The following ZNF804B variants were observed in gnomAD, a reference collection of about 807,000 sequenced individuals.
ZNF804B encodes zinc finger protein 804B, also known as zinc finger 804B.
ZNF804B carries 80 observed loss-of-function variants against 101.4 expected under a neutral mutation model. That is an observed-to-expected ratio of 0.79 (90% CI 0.66 to 0.95). The LOEUF is 0.95. Ranked by LOEUF, ZNF804B falls within the 40% of genes least tolerant of loss-of-function variation. The pLI is 0.00. For missense variants in ZNF804B, 1,673 were observed against 1,561.9 expected (o/e 1.07, Z -1.20); for synonymous variants, 622 against 558.8 (o/e 1.11, Z -1.59).
chr7:88,947,480 A>G (rs1793153361), intron 1 of ZNF804B, among the ~76,000 whole-genome samples: 1 of 151,712 alleles, frequency 6.6e-6, no homozygotes, highest in African/African-American at 2.4e-5. Context: ...ACACGTGGAC[A>G]CAGGGAGGGG....
chr7:89,006,634 A>C lies in ZNF804B; in HGVS notation c.109-211521A>C, dbSNP rs146634162. ...TGTGGTTAGATGCCATGGCCATATT[A>C]AAGTTTTTAAAGCTACTTTCAATGT... On this transcript the variant is annotated intron_variant, in intron 1 of 3. Coordinates refer to ENST00000333190, the MANE Select transcript of ZNF804B (RefSeq NM_181646.5). Among the ~76,000 whole-genome samples, 957 of 152,210 alleles carry C rather than the reference A, an allele frequency of 6.3e-3. 8 individuals are homozygous for C. Among genetic ancestry groups the C allele is most frequent in the Non-Finnish European group, 6.3e-3 (427 of 68,008 alleles).
intron 1 of ZNF804B, among the ~76,000 whole-genome samples, chr7:88,942,525 TG>T (rs1584029755): frequency 4.5e-4 from 68 of 150,342 alleles, no homozygotes; most frequent in South Asian, 6.3e-4. Flanking sequence ...TGTGTGTGTG[TG>T]TGTGTTTTGC....
chr7:89,051,739 A>G (rs1037483616), intron 1 of ZNF804B, among the ~76,000 whole-genome samples: 2 of 152,070 alleles, frequency 1.3e-5, no homozygotes, highest in African/African-American at 4.8e-5. Context: ...TGTTTATCAA[A>G]TATATTAACA....
At chr7:89,282,199 TAA>T (rs142207896) in intron 2 of ZNF804B, among the ~76,000 whole-genome samples, 9 of 108,974 alleles carry the variant, frequency 8.3e-5, no homozygotes, top group Admixed American at 1.0e-4. Flanking sequence ...AGACTCCGTC[TAA>T]AAAAAAAAAA....
At chr7:89,107,670 T>C (rs998760140) in intron 1 of ZNF804B, among the ~76,000 whole-genome samples, 1 of 152,132 alleles carries the variant, frequency 6.6e-6, no homozygotes, top group Non-Finnish European at 1.5e-5. Context: ...ATGTGCATTC[T>C]TTTCCTTTAC....
At chr7:88,780,527 C>A (rs541578252) in intron 1 of ZNF804B, among the ~76,000 whole-genome samples, 1 of 151,316 alleles carries the variant, frequency 6.6e-6, no homozygotes, top group South Asian at 2.1e-4. Context: ...GTAGCTGGGA[C>A]TACAGGTGCA....
chr7:89,156,972 T>G (rs1292184053), intron 1 of ZNF804B, among the ~76,000 whole-genome samples: 3 of 152,188 alleles, frequency 2.0e-5, no homozygotes, highest in Non-Finnish European at 4.4e-5. Flanking sequence ...GGGTCTACCC[T>G]TTTCGCTTAT....
At chr7:88,840,433 A>G (rs979754167) in intron 1 of ZNF804B, among the ~76,000 whole-genome samples, 1 of 152,144 alleles carries the variant, frequency 6.6e-6, no homozygotes, top group Non-Finnish European at 1.5e-5. Flanking sequence ...TTTATGCAAC[A>G]ATTGTCTGTA....
chr7:89,173,606 T>C (rs896389776), intron 1 of ZNF804B, among the ~76,000 whole-genome samples: 6 of 151,996 alleles, frequency 3.9e-5, no homozygotes, highest in African/African-American at 1.4e-4. Flanking sequence ...CAGAGTGAAA[T>C]GAATAAAATA....
chr7:89,151,903 G>A (rs573428600), intron 1 of ZNF804B, among the ~76,000 whole-genome samples: 7 of 152,174 alleles, frequency 4.6e-5, no homozygotes, highest in South Asian at 2.1e-4. Flanking sequence ...ACCTAAGTGG[G>A]TTTGTTTATT....
chr7:88,987,129 A>C (rs2116145232), intron 1 of ZNF804B, among the ~76,000 whole-genome samples: 1 of 152,200 alleles, frequency 6.6e-6, no homozygotes. Context: ...ATGAAATTTT[A>C]TTCCTTACTA....
At chr7:88,971,119 TAGC>T (rs1793532345) in intron 1 of ZNF804B, among the ~76,000 whole-genome samples, 1 of 151,658 alleles carries the variant, frequency 6.6e-6, no homozygotes, top group South Asian at 2.1e-4. Flanking sequence ...TTGCAACAGC[TAGC>T]AGATGGTCTT....
chr7:88,937,729 A>G (rs11970801), intron 1 of ZNF804B, among the ~76,000 whole-genome samples: 15,631 of 152,118 alleles, frequency 0.1, 882 homozygotes, highest in South Asian at 0.17. Flanking sequence ...ATGTTTTCAG[A>G]AAAGAAAAAT....
chr7:89,226,962 C>T (rs1789099117), intron 2 of ZNF804B, among the ~76,000 whole-genome samples: 1 of 152,162 alleles, frequency 6.6e-6, no homozygotes, highest in African/African-American at 2.4e-5. Flanking sequence ...TCCCTCTTCC[C>T]TTACACATAT....
At chr7:89,092,386 A>G (rs1008827841) in intron 1 of ZNF804B, among the ~76,000 whole-genome samples, 2 of 144,922 alleles carry the variant, frequency 1.4e-5, no homozygotes, top group Non-Finnish European at 3.0e-5. Flanking sequence ...TTTTACTCTA[A>G]CATTGATTTC....
At chr7:88,888,358 C>T (rs1389737878) in intron 1 of ZNF804B, among the ~76,000 whole-genome samples, 1 of 152,116 alleles carries the variant, frequency 6.6e-6, no homozygotes, top group African/African-American at 2.4e-5. Flanking sequence ...TGGCACCGCA[C>T]TCCAGCCTGG....
In ZNF804B at chr7:89,335,427, A is replaced by G. The variant is rs1200429960; in HGVS notation, c.2445A>G (p.Gln815=). The part of the protein sequence containing the change: ...RERQKLGKNQ[Q]QFSGLKSTRI... ...GACAAAAACTGGGCAAAAATCAACAACAATTTTCAGGGCTAAAATCTACGA... is the reference window on the plus strand; with the variant it reads ...GACAAAAACTGGGCAAAAATCAACAGCAATTTTCAGGGCTAAAATCTACGA... Residue 815 remains glutamine, a synonymous_variant, in exon 4 of 4, where the codon CAA becomes CAG. Coordinates refer to ENST00000333190, the MANE Select transcript of ZNF804B (RefSeq NM_181646.5). 6.2e-7 allele frequency: 1 copy of G among 1,613,936 alleles called. No individual in the cohort carries two copies. The highest frequency in any genetic ancestry group is 1.1e-5 in the South Asian group (1 of 91,080).
At chr7:89,189,985 C>T (rs1788429244) in intron 1 of ZNF804B, among the ~76,000 whole-genome samples, 2 of 151,848 alleles carry the variant, frequency 1.3e-5, no homozygotes, top group Admixed American at 6.6e-5. Context: ...ATTCTAGATG[C>T]CATTAAGAAT....
chr7:88,854,527 T>TTTCCTTTCCTTTCCTTCCC lies in ZNF804B; in HGVS notation c.108+94449_108+94450insTCCTTTCCTTCCCTTCCTT, dbSNP rs1791519535. 7.2e-4 allele frequency among the ~76,000 whole-genome samples: 29 copies of TTTCCTTTCCTTTCCTTCCC among 40,042 alleles called. 4 individuals are homozygous for TTTCCTTTCCTTTCCTTCCC. The highest frequency in any genetic ancestry group is 1.2e-3 in the African/African-American group (12 of 9,622). 26.3% of individuals were successfully genotyped at this position (40,042 alleles called of 152,430 possible). A position where few individuals can be genotyped will look rare whatever the true frequency, so the allele number is the denominator to read the frequency against. On this transcript the variant is annotated intron_variant, in intron 1 of 3. Transcript: ENST00000333190. ...CTTTCCTTTCCTTTCCTTTCCTTCC[T>TTTCCTTTCCTTTCCTTCCC]TTCCTTCCTTCCTTCCTTCCTTCCT...
Sources: allele counts gnomAD v4.1 joint callset (sites outside exome capture counted in the v4.1 genomes callset), GRCh38; gene constraint gnomAD v4.1.1; transcripts MANE v1.5; gene names NCBI Gene and HGNC (gene_info 2026-07-23, HGNC 2026-07-21).